The following SRGAP3 variants were observed in gnomAD, a reference collection of about 807,000 sequenced individuals.
The protein encoded by SRGAP3 is SLIT-ROBO Rho GTPase-activating protein 3.
SRGAP3 carries 39 observed loss-of-function variants against 121.1 expected under a neutral mutation model. That is an observed-to-expected ratio of 0.32 (90% CI 0.25 to 0.42). SRGAP3 has a LOEUF of 0.42. Among genes scored for constraint, SRGAP3 ranks in the 10% least tolerant of loss-of-function variants. The probability of loss-of-function intolerance (pLI) is 1.00; values close to 1 mark genes in which losing one functional copy is unlikely to be tolerated. For synonymous variants in SRGAP3, 601 were observed against 570.0 expected, an observed-to-expected ratio of 1.05 and a Z score of -0.77; for missense variants, 1,213 against 1,470.6, an observed-to-expected ratio of 0.82 and a Z score of 2.86.
At chr3:8,992,800 G>A in intron 20 of SRGAP3, 106 bp downstream of exon 20, 1 of 1,595,590 alleles carries the variant, frequency 6.3e-7, no homozygotes, top group Non-Finnish European at 8.6e-7. Flanking sequence ...TGGGGAACAA[G>A]GGGCTGCAGT....
chr3:9,092,711 A>C lies in SRGAP3; in HGVS notation c.423+11969T>G, dbSNP rs562550247. 3.3e-5 allele frequency among the ~76,000 whole-genome samples: 5 copies of C among 152,340 alleles called. No individual in the cohort carries two copies. In the South Asian group the frequency reaches 1.0e-3, roughly 32 times the overall value. On this transcript the variant is annotated intron_variant, in intron 3 of 21. Coordinates refer to ENST00000383836, the MANE Select transcript of SRGAP3 (RefSeq NM_014850.4). The stretch of plus-strand genomic sequence containing the variant: ...GAAAACTCTTCTGCCTTAGTATAGA[A>C]AGCATATTGATATTTACAAGGCTCT...
At chr3:9,044,834 C>A (rs1260752196) in intron 10 of SRGAP3, among the ~76,000 whole-genome samples, 3 of 152,160 alleles carry the variant, frequency 2.0e-5, no homozygotes, top group African/African-American at 7.2e-5. Context: ...TTTTTCCCTT[C>A]TTCCTTCACC....
rs182731827 is a variant in SRGAP3, at chr3:9,071,327, G to A, written c.487-6746C>T. 2.1e-3 allele frequency among the ~76,000 whole-genome samples: 316 copies of A among 152,120 alleles called. 3 individuals are homozygous for A. Among genetic ancestry groups the A allele is most frequent in the South Asian group, 8.1e-3 (39 of 4,804 alleles). On this transcript the variant is annotated intron_variant, in intron 4 of 21. Coordinates refer to ENST00000383836, the MANE Select transcript of SRGAP3 (RefSeq NM_014850.4). ...TTCCCCTCCACTATTCTCAGTACAC[G>A]TGGTTCATGGGAGTTTGACATCACC... is the stretch of plus-strand genomic sequence containing the variant.
At chr3:9,352,577 T>C (rs1293056206) in intron 1 of SRGAP3, among the ~76,000 whole-genome samples, 2 of 152,180 alleles carry the variant, frequency 1.3e-5, no homozygotes, top group East Asian at 1.9e-4. Context: ...CCTGGCCTCA[T>C]GGTCTTTTGT....
At chr3:9,237,310 G>A (rs1341951304) in intron 1 of SRGAP3, among the ~76,000 whole-genome samples, 2 of 152,144 alleles carry the variant, frequency 1.3e-5, no homozygotes, top group African/African-American at 4.8e-5. Context: ...TGGGAGCGGG[G>A]ATGCTACTGG....
chr3:9,252,646 G>A (rs1254967304), upstream of SRGAP3, among the ~76,000 whole-genome samples: 2 of 152,148 alleles, frequency 1.3e-5, no homozygotes, highest in Non-Finnish European at 2.9e-5. Flanking sequence ...CTATCCCCAA[G>A]AAGATGTGGG....
At chr3:9,323,622 G>A (rs1955470650) in intron 3 of SRGAP3, among the ~76,000 whole-genome samples, 1 of 151,834 alleles carries the variant, frequency 6.6e-6, no homozygotes, top group African/African-American at 2.4e-5. Flanking sequence ...AACTAAAATG[G>A]TAGGCTGTGA....
intron 1 of SRGAP3, among the ~76,000 whole-genome samples, chr3:9,156,488 CTGTCTA>C: frequency 6.6e-6 from 1 of 152,298 alleles, no homozygotes; most frequent in South Asian, 2.1e-4. Flanking sequence ...TAGCCAGGTA[CTGTCTA>C]CAAGGATGTG....
Position 9,360,308 on chromosome 3 carries a change from T to G in SRGAP3, n.214+2532A>C, listed in dbSNP as rs1403924514. ...ATTACAGATGTTCCTTGACTTACAA[T>G]GGGATTATATCCCAATAAACCCACC... On this transcript the variant is annotated intron_variant and non_coding_transcript_variant, in intron 1 of 3. Transcript: ENST00000490889. Among the ~76,000 whole-genome samples the G allele has an allele frequency of 2.0e-5, 3 of 152,192 alleles. No individual in the cohort carries two copies. In the East Asian group the frequency reaches 5.8e-4, roughly 29 times the overall value.
chr3:9,345,190 G>A lies in SRGAP3; in HGVS notation n.215-14594C>T, dbSNP rs896371431. On this transcript the variant is annotated intron_variant and non_coding_transcript_variant, in intron 1 of 3. Coordinates refer to the SRGAP3 transcript ENST00000490889. ...TCAAAGACTGGGAGAACTGTTGCAGGTTCAAGAACAGAAAAGCAGGCCAGG... is the reference window on the plus strand; with the variant it reads ...TCAAAGACTGGGAGAACTGTTGCAGATTCAAGAACAGAAAAGCAGGCCAGG... Among the ~76,000 whole-genome samples, 3 of 152,126 alleles carry A rather than the reference G, an allele frequency of 2.0e-5. No individual in the cohort carries two copies. The South Asian group carries it at 6.2e-4, about 31-fold the overall frequency.
intron 1 of SRGAP3, among the ~76,000 whole-genome samples, chr3:9,199,715 A>G (rs1400475887): frequency 6.6e-6 from 1 of 152,230 alleles, no homozygotes; most frequent in East Asian, 1.9e-4. Context: ...TTGAGTCCCT[A>G]AAGGGGAAGC....
At chr3:9,266,584 T>G in intron 3 of SRGAP3, among the ~76,000 whole-genome samples, 1 of 152,138 alleles carries the variant, frequency 6.6e-6, no homozygotes, top group East Asian at 1.9e-4. Context: ...TCTGATCATC[T>G]CTCGGCTCCA....
At chr3:9,042,503 G>A (rs897084108) in intron 10 of SRGAP3, among the ~76,000 whole-genome samples, 1 of 151,882 alleles carries the variant, frequency 6.6e-6, no homozygotes, top group South Asian at 2.1e-4. Context: ...AGTAATCTGG[G>A]TCTGAAAATA....
intron 10 of SRGAP3, among the ~76,000 whole-genome samples, chr3:9,042,744 C>G (rs1458951888): frequency 6.6e-6 from 1 of 152,206 alleles, no homozygotes; most frequent in African/African-American, 2.4e-5. Flanking sequence ...CACAAGCCCT[C>G]CTGTTAGAGC....
chr3:9,117,618 A>G (rs1948850749), intron 2 of SRGAP3, among the ~76,000 whole-genome samples: 1 of 152,154 alleles, frequency 6.6e-6, no homozygotes, highest in Non-Finnish European at 1.5e-5. Flanking sequence ...AACCCTCTGC[A>G]TGGAGCATTT....
intron 18 of SRGAP3, among the ~76,000 whole-genome samples, chr3:9,008,920 A>G (rs370001233): frequency 1.3e-5 from 2 of 152,308 alleles, no homozygotes; most frequent in African/African-American, 4.8e-5. Flanking sequence ...AGTTTGGGTA[A>G]GATGATGGTG....
intron 3 of SRGAP3, chr3:9,256,641 C>T (rs978970418): frequency 7.6e-6 from 3 of 394,374 alleles, no homozygotes; most frequent in Non-Finnish European, 1.3e-5. Flanking sequence ...GTCTGATGCA[C>T]ATTTCCAGCC....
At chr3:9,257,083 G>T in intron 3 of SRGAP3, 1 of 382,128 alleles carries the variant, frequency 2.6e-6, no homozygotes, top group Non-Finnish European at 4.6e-6. Flanking sequence ...AACCTAAATG[G>T]GAAAGAAAGG....
intron 1 of SRGAP3, among the ~76,000 whole-genome samples, chr3:9,141,602 G>A (rs1051427156): frequency 4.0e-5 from 5 of 123,726 alleles, no homozygotes; most frequent in South Asian, 2.7e-4. Context: ...GTGTGTGTGT[G>A]TTCTTTTCTT....
Sources: gnomAD v4.1 joint callset for allele counts (sites outside exome capture counted in the v4.1 genomes callset) on GRCh38, gnomAD v4.1.1 for gene constraint, MANE v1.5 for transcripts, NCBI Gene and HGNC (gene_info 2026-07-23, HGNC 2026-07-21) for gene names.